Variants in KLRF1 observed in about 807,000 individuals in gnomAD.
The protein encoded by KLRF1 is killer cell lectin like receptor F1.
KLRF1 carries 27 observed loss-of-function variants against 30.7 expected under a neutral mutation model. The ratio of observed to expected loss-of-function variants is 0.88; its 90% CI spans 0.65 to 1.21. KLRF1 has a LOEUF of 1.21. Ranked by LOEUF, KLRF1 falls within the 50% of genes most tolerant of loss-of-function variation. The pLI, the probability that KLRF1 is intolerant of heterozygous loss-of-function variation, is 0.00. For synonymous variants in KLRF1, 92 were observed against 89.3 expected (o/e 1.03, Z -0.17); for missense variants, 246 against 259.3 (o/e 0.95, Z 0.35).
chr12:9,818,863 G>T, the KLRF1 span, among the ~76,000 whole-genome samples: 2 of 152,206 alleles, frequency 1.3e-5, no homozygotes, highest in African/African-American at 2.4e-5. Context: ...GTTCTCACAG[G>T]AGAAATAGAA....
At chr12:9,819,114 G>A in the KLRF1 span, among the ~76,000 whole-genome samples, 2 of 152,122 alleles carry the variant, frequency 1.3e-5, no homozygotes, top group Non-Finnish European at 2.9e-5. Context: ...ATCCCCTTGT[G>A]AACCCATCCC....
At chr12:9,841,257 A>G (rs1004961355) in intron 3 of KLRF1, among the ~76,000 whole-genome samples, 1 of 152,112 alleles carries the variant, frequency 6.6e-6, no homozygotes, top group Non-Finnish European at 1.5e-5. Context: ...TGGGAGCTAA[A>G]TGATGAGAAC....
chr12:9,833,337 A>G lies in KLRF1; in HGVS notation c.219A>G (p.Gly73=). The G allele has an allele frequency of 6.2e-7, 1 of 1,605,322 alleles. No homozygotes were observed. Among genetic ancestry groups the G allele is most frequent in the Non-Finnish European group, 8.5e-7 (1 of 1,176,638 alleles). Reference sequence around the variant, plus strand: ...GAGTATTGCTAAAATGCCAAAAAGGAAGTTGTTCAAATGCCACTCAGTATG... The same window carrying G: ...GAGTATTGCTAAAATGCCAAAAAGGGAGTTGTTCAAATGCCACTCAGTATG... The part of the protein sequence containing the change: ...SQGVLLKCQK[G]SCSNATQYED... The change falls in exon 3 of 6, where the codon GGA becomes GGG. Residue 73 remains glycine (G), a synonymous_variant. Coordinates refer to ENST00000617889, the MANE Select transcript of KLRF1 (RefSeq NM_016523.3).
the KLRF1 span, among the ~76,000 whole-genome samples, chr12:9,802,185 A>G: frequency 6.6e-6 from 1 of 152,154 alleles, no homozygotes; most frequent in Non-Finnish European, 1.5e-5. Context: ...AGTTCAACAT[A>G]TACAAATCAA....
chr12:9,830,964 AT>A (rs1288979604), intron 1 of KLRF1, among the ~76,000 whole-genome samples: 1 of 151,262 alleles, frequency 6.6e-6, no homozygotes, highest in Non-Finnish European at 1.5e-5. Context: ...TTTTACTTTT[AT>A]TTTTATTTTA....
chr12:9,807,390 G>T, the KLRF1 span, among the ~76,000 whole-genome samples: 1 of 151,874 alleles, frequency 6.6e-6, no homozygotes, highest in Non-Finnish European at 1.5e-5. Context: ...TCTTCTTTAA[G>T]ATATTATCTT....
chr12:9,803,180 C>T, the KLRF1 span, among the ~76,000 whole-genome samples: 3 of 152,034 alleles, frequency 2.0e-5, no homozygotes, highest in Middle Eastern at 3.4e-3. Flanking sequence ...ATTTGATCTT[C>T]GACAAACCTG....
chr12:9,823,907 A>C (rs1163503593), upstream of KLRF1, among the ~76,000 whole-genome samples: 1 of 152,202 alleles, frequency 6.6e-6, no homozygotes. Context: ...TCCTGGACAC[A>C]TACAGCCTCC....
At chr12:9,812,031 G>A in the KLRF1 span, among the ~76,000 whole-genome samples, 136 of 152,264 alleles carry the variant, frequency 8.9e-4, no homozygotes, top group African/African-American at 3.2e-3. Flanking sequence ...GTCTGTAACT[G>A]GTTTAAGGTC....
rs60917946 is a variant in KLRF1 at position 9,836,646 on chromosome 12, G to A, written c.334+3194G>A. The stretch of plus-strand genomic sequence containing the variant: ...GGATTTTTTTCTAATCTACTAGTTC[G>A]TATTTCCTCCTTTATCATACGTGAA... On this transcript the variant is annotated intron_variant, in intron 3 of 5. Coordinates refer to ENST00000617889, the MANE Select transcript of KLRF1 (RefSeq NM_016523.3). 3.6e-3 allele frequency among the ~76,000 whole-genome samples: 552 copies of A among 151,902 alleles called. 1 individual carries two copies. The highest frequency in any genetic ancestry group is 0.013 in the African/African-American group (524 of 41,420).
intron 3 of KLRF1, among the ~76,000 whole-genome samples, chr12:9,835,067 G>A (rs780312952): frequency 1.6e-4 from 25 of 152,190 alleles, no homozygotes; most frequent in African/African-American, 4.6e-4. Flanking sequence ...GAGGCAGAAA[G>A]TCCTAAACCA....
At chr12:9,810,782 A>AT in the KLRF1 span, among the ~76,000 whole-genome samples, 4 of 152,204 alleles carry the variant, frequency 2.6e-5, no homozygotes, top group South Asian at 2.1e-4. Context: ...GGAAGTGAGA[A>AT]TTTTTTTTAT....
At chr12:9,816,327 G>C in the KLRF1 span, among the ~76,000 whole-genome samples, 4 of 152,168 alleles carry the variant, frequency 2.6e-5, no homozygotes, top group South Asian at 2.1e-4. Flanking sequence ...CTAGTACAAG[G>C]CTACTCCAAA....
At chr12:9,806,023 T>C in the KLRF1 span, among the ~76,000 whole-genome samples, 2 of 152,024 alleles carry the variant, frequency 1.3e-5, no homozygotes, top group Non-Finnish European at 1.5e-5. Context: ...ATTTCATTTA[T>C]TTATACTGTA....
chr12:9,843,701 C>A (rs141680483), intron 5 of KLRF1, among the ~76,000 whole-genome samples: 2 of 152,108 alleles, frequency 1.3e-5, no homozygotes, highest in East Asian at 3.9e-4. Flanking sequence ...GATTTTTGTC[C>A]ATAATATGTT....
chr12:9,834,154 A>T (rs1867516891), intron 3 of KLRF1, among the ~76,000 whole-genome samples: 1 of 151,006 alleles, frequency 6.6e-6, no homozygotes, highest in Non-Finnish European at 1.5e-5. Flanking sequence ...TCACAAGGTA[A>T]TGCCATCAGT....
chr12:9,802,952 A>G, the KLRF1 span, among the ~76,000 whole-genome samples: 1 of 152,142 alleles, frequency 6.6e-6, no homozygotes, highest in Non-Finnish European at 1.5e-5. Flanking sequence ...CAGAATTAGA[A>G]AAAACTACTT....
At chr12:9,804,847 A>G in the KLRF1 span, among the ~76,000 whole-genome samples, 4 of 151,958 alleles carry the variant, frequency 2.6e-5, no homozygotes, top group Non-Finnish European at 4.4e-5. Flanking sequence ...AGCATAGAAG[A>G]GTGTTTTTAT....
At chr12:9,815,313 T>C in the KLRF1 span, among the ~76,000 whole-genome samples, 5 of 152,232 alleles carry the variant, frequency 3.3e-5, no homozygotes, top group Non-Finnish European at 7.3e-5. Context: ...CAAAATTTAT[T>C]TGTGGAAGTA....
Sources: gnomAD v4.1 joint callset for allele counts (sites outside exome capture counted in the v4.1 genomes callset) on GRCh38, gnomAD v4.1.1 for gene constraint, MANE v1.5 for transcripts, NCBI Gene and HGNC (gene_info 2026-07-23, HGNC 2026-07-21) for gene names.